CCSER1: variants seen among roughly 807,000 people sequenced by gnomAD.
CCSER1 encodes serine-rich coiled-coil domain-containing protein 1.
In CCSER1, 41 loss-of-function variants were observed where a neutral mutation model predicts 82.0. That is an observed-to-expected ratio of 0.50 (90% CI 0.39 to 0.65). The LOEUF (loss-of-function observed/expected upper bound fraction) is 0.65, where lower values mean the gene tolerates loss of function less well. Ranked by LOEUF, CCSER1 falls within the 30% of genes least tolerant of loss-of-function variation. The pLI is 0.00. For synonymous variants in CCSER1, 414 were observed against 383.9 expected, an observed-to-expected ratio of 1.08 and a Z score of -0.92; for missense variants, 1,119 against 1,064.2, an observed-to-expected ratio of 1.05 and a Z score of -0.72.
chr4:91,104,748 C>A (rs1242907254), intron 10 of CCSER1, among the ~76,000 whole-genome samples: 1 of 152,168 alleles, frequency 6.6e-6, no homozygotes, highest in Non-Finnish European at 1.5e-5. Context: ...TCTCCTCAAG[C>A]CTCCCTTCTT....
intron 10 of CCSER1, among the ~76,000 whole-genome samples, chr4:91,585,274 A>G (rs898199848): frequency 2.0e-5 from 3 of 151,492 alleles, no homozygotes; most frequent in South Asian, 2.1e-4. Context: ...AATCCAAGAT[A>G]TAGTCACTCT....
At chr4:90,903,116 T>C (rs1470500954) in intron 8 of CCSER1, among the ~76,000 whole-genome samples, 1 of 152,118 alleles carries the variant, frequency 6.6e-6, no homozygotes, top group African/African-American at 2.4e-5. Flanking sequence ...AGTGTCTCAA[T>C]AAATTCAAAG....
intron 1 of CCSER1, among the ~76,000 whole-genome samples, chr4:90,234,374 G>T (rs1022176230): frequency 6.6e-6 from 1 of 151,954 alleles, no homozygotes; most frequent in Admixed American, 6.6e-5. Context: ...CCGCCACCAC[G>T]CCCAGCTAAT....
At chr4:90,364,890 AT>A (rs201581634) in intron 3 of CCSER1, among the ~76,000 whole-genome samples, 68 of 151,036 alleles carry the variant, frequency 4.5e-4, no homozygotes, top group Middle Eastern at 3.4e-3. Context: ...AAACTAACCT[AT>A]TTTTTTTTCA....
chr4:90,143,168 T>C (rs995300104), intron 1 of CCSER1, among the ~76,000 whole-genome samples: 8 of 152,136 alleles, frequency 5.3e-5, no homozygotes, highest in African/African-American at 1.9e-4. Flanking sequence ...GAAGTAACTG[T>C]GTTACTGCAA....
At chr4:91,138,729 CAAAT>C (rs1424796612) in intron 10 of CCSER1, among the ~76,000 whole-genome samples, 3 of 138,302 alleles carry the variant, frequency 2.2e-5, no homozygotes, top group Non-Finnish European at 4.6e-5. Flanking sequence ...TGAACTCAAA[CAAAT>C]TTACAAGAAA....
intron 9 of CCSER1, among the ~76,000 whole-genome samples, chr4:91,023,456 G>C (rs1236474771): frequency 2.0e-5 from 3 of 152,200 alleles, no homozygotes; most frequent in Non-Finnish European, 4.4e-5. Context: ...TACCAAAACA[G>C]AGATATAGAT....
chr4:90,611,298 TG>T (rs1263585880), intron 5 of CCSER1, among the ~76,000 whole-genome samples: 1 of 152,104 alleles, frequency 6.6e-6, no homozygotes, highest in African/African-American at 2.4e-5. Flanking sequence ...TTGGGCTATT[TG>T]GTTGCAAACA....
chr4:90,631,638 C>CTGTT (rs1724458960), intron 6 of CCSER1, among the ~76,000 whole-genome samples: 1 of 152,094 alleles, frequency 6.6e-6, no homozygotes, highest in South Asian at 2.1e-4. Context: ...GTTTCTAGAA[C>CTGTT]TGTTTCAGGG....
intron 10 of CCSER1, among the ~76,000 whole-genome samples, chr4:91,445,287 T>A (rs1755478901): frequency 6.6e-6 from 1 of 152,162 alleles, no homozygotes; most frequent in South Asian, 2.1e-4. Context: ...TATTTTATTA[T>A]ATGGTGGTAT....
chr4:90,219,096 G>A (rs1465801212), intron 1 of CCSER1, among the ~76,000 whole-genome samples: 1 of 152,174 alleles, frequency 6.6e-6, no homozygotes. Context: ...AAGAACAGGA[G>A]TTGAAAGATC....
At chr4:90,509,456 G>T (rs1435616908) in intron 5 of CCSER1, among the ~76,000 whole-genome samples, 1 of 152,094 alleles carries the variant, frequency 6.6e-6, no homozygotes, top group Non-Finnish European at 1.5e-5. Flanking sequence ...GAATAAGACA[G>T]TTATACTGAT....
At chr4:90,605,986 TA>T (rs970927001) in intron 5 of CCSER1, among the ~76,000 whole-genome samples, 2 of 152,152 alleles carry the variant, frequency 1.3e-5, no homozygotes, top group Non-Finnish European at 2.9e-5. Flanking sequence ...TGAGAAGTCT[TA>T]AAAAGAGGTA....
At chr4:91,136,472 T>C (rs1252905069) in intron 10 of CCSER1, among the ~76,000 whole-genome samples, 1 of 152,190 alleles carries the variant, frequency 6.6e-6, no homozygotes, top group African/African-American at 2.4e-5. Flanking sequence ...AGAATTCTAC[T>C]CTAATCTTTT....
chr4:90,951,147 C>T (rs1236193083), intron 9 of CCSER1: 1 of 152,214 alleles, frequency 6.6e-6, no homozygotes. Flanking sequence ...TGGCTCACCA[C>T]TTCATGTCTG....
At chr4:91,053,446 G>T (rs533522721) in intron 9 of CCSER1, among the ~76,000 whole-genome samples, 81 of 152,244 alleles carry the variant, frequency 5.3e-4, no homozygotes, top group African/African-American at 1.6e-3. Context: ...AAGTATTCCT[G>T]GCTGGTCCTA....
chr4:90,355,667 G>C (rs1366512388), intron 3 of CCSER1, among the ~76,000 whole-genome samples: 3 of 151,904 alleles, frequency 2.0e-5, no homozygotes, highest in African/African-American at 7.2e-5. Context: ...ATAGACAGTA[G>C]AGAATATGAA....
Position 91,230,750 on chromosome 4 carries a change from G to T in CCSER1, c.2217+144756G>T, listed in dbSNP as rs1581810586. On this transcript the variant is annotated intron_variant, in intron 10 of 10. Coordinates refer to ENST00000509176, the MANE Select transcript of CCSER1 (RefSeq NM_001145065.2). ...TAAGATCAAATTTCGAATATTAAAT[G>T]AATAAAATCCTTAATCAGAAGACAA... Among the ~76,000 whole-genome samples, 3 of 151,706 alleles carry T rather than the reference G, an allele frequency of 2.0e-5. 1 individual carries two copies. Among genetic ancestry groups the T allele is most frequent in the South Asian group, 4.2e-4 (2 of 4,808 alleles).
In CCSER1 at chr4:90,746,571, G is replaced by C. The variant is rs561240935; in HGVS notation, c.2010+22580G>C. Among the ~76,000 whole-genome samples the C allele has an allele frequency of 5.3e-5, 8 of 152,242 alleles. No individual in the cohort carries two copies. The South Asian group carries it at 1.7e-3, about 32-fold the overall frequency. Reference sequence around the variant, plus strand: ...CATTTTGAGACTCTAACTTGGTGTAGGGAATTCAGTGTCAGATTGTCTTTT... The same window carrying C: ...CATTTTGAGACTCTAACTTGGTGTACGGAATTCAGTGTCAGATTGTCTTTT... On this transcript the variant is annotated intron_variant, in intron 7 of 10. Transcript: ENST00000509176.
Sources: gnomAD v4.1 joint callset for allele counts (sites outside exome capture counted in the v4.1 genomes callset) on GRCh38, gnomAD v4.1.1 for gene constraint, MANE v1.5 for transcripts, NCBI Gene and HGNC (gene_info 2026-07-23, HGNC 2026-07-21) for gene names.